CNNM2: variants seen among roughly 807,000 people sequenced by gnomAD.
The protein encoded by CNNM2 is cyclin and CBS domain divalent metal cation transport mediator 2.
In CNNM2, 12 loss-of-function variants were observed where a neutral mutation model predicts 66.9. The observed-to-expected ratio is 0.18, with a 90% CI of 0.11 to 0.29. CNNM2 has a LOEUF of 0.29. Ranked by LOEUF, CNNM2 falls within the 10% of genes least tolerant of loss-of-function variation. The pLI is 1.00. For missense variants in CNNM2, 705 were observed against 1,167.7 expected (o/e 0.60, Z 5.77); for synonymous variants, 557 against 501.8 (o/e 1.11, Z -1.47).
At chr10:102,940,657 A>T (rs764802772) in intron 1 of CNNM2, among the ~76,000 whole-genome samples, 1 of 150,832 alleles carries the variant, frequency 6.6e-6, no homozygotes, top group East Asian at 2.0e-4. Context: ...TGACCTCGTG[A>T]TCCGCCCTCC....
chr10:103,018,816 G>A (rs1315342873), intron 1 of CNNM2, among the ~76,000 whole-genome samples: 7 of 146,720 alleles, frequency 4.8e-5, no homozygotes, highest in Admixed American at 1.4e-4. Context: ...GAGCCACCAC[G>A]CCCTCCTAAT....
In CNNM2 at chr10:103,083,327, A is replaced by G. The variant is rs999478854; in HGVS notation, c.*6147A>G. 1 of 152,184 alleles carries G rather than the reference A, an allele frequency of 6.6e-6. No homozygotes were observed. The highest frequency in any genetic ancestry group is 2.4e-5 in the African/African-American group (1 of 41,452). The allele number at this position is 152,184 out of a possible 1,614,324, so 9.4% of individuals were successfully genotyped here. On this transcript the variant is annotated 3_prime_UTR_variant, in exon 8 of 8. Coordinates refer to ENST00000369878, the MANE Select transcript of CNNM2 (RefSeq NM_017649.5). ...TACCAATTTATTTGTAAATTTTGTG[A>G]TTGTTTTACAAGGTTTTTGTTTATT...
intron 1 of CNNM2, among the ~76,000 whole-genome samples, chr10:103,041,666 C>G (rs373771326): frequency 1.3e-5 from 2 of 152,248 alleles, no homozygotes; most frequent in African/African-American, 4.8e-5. Context: ...CCAGCATCTT[C>G]TGTCGCCAAA....
At chr10:103,065,330 A>G (rs972604458) in intron 4 of CNNM2, among the ~76,000 whole-genome samples, 1 of 152,192 alleles carries the variant, frequency 6.6e-6, no homozygotes, top group African/African-American at 2.4e-5. Context: ...ATTCACCTAT[A>G]TTGTTAAATG....
In CNNM2 at chr10:102,918,813, T is replaced by C; in HGVS notation, c.333T>C (p.Asn111=). 4 of 1,597,430 alleles carry C rather than the reference T, an allele frequency of 2.5e-6. No homozygotes were observed. The highest frequency in any genetic ancestry group is 3.4e-6 in the Non-Finnish European group (4 of 1,172,574). ...TGCGGGTGTACGGGCAGAACATCAA[T>C]AACGAGACGTGGTCCCGCATCGCCT... ...VKLRVYGQNI[N]NETWSRIAFT... The change falls in exon 1 of 8, where the codon AAT becomes AAC. Residue 111 remains asparagine (N), a synonymous_variant. Transcript: ENST00000369878. This position sits in a 1 kb window ranked among gnomAD's most constrained non-coding sequence, Gnocchi z 4.1.
At chr10:103,067,964 T>G (rs1326198052) in intron 4 of CNNM2, among the ~76,000 whole-genome samples, 2 of 152,224 alleles carry the variant, frequency 1.3e-5, no homozygotes, top group African/African-American at 4.8e-5. Flanking sequence ...GACACCGTGC[T>G]CGTGAGACAG....
At chr10:102,956,242 C>T (rs1364178843) in intron 1 of CNNM2, among the ~76,000 whole-genome samples, 3 of 149,328 alleles carry the variant, frequency 2.0e-5, no homozygotes, top group Non-Finnish European at 3.0e-5. Flanking sequence ...GAGCTGAAAT[C>T]GCGCCACTTC....
At position 102,919,089 on chromosome 10, in the gene CNNM2, C is replaced by G. The variant is rs940090909; in HGVS notation, c.609C>G (p.Gly203=). ...TSLSTPALGA[G]GSGSTGGAVG... is the part of the protein sequence containing the mutation. ...TCTCCACGCCCGCCCTGGGCGCCGG[C>G]GGCTCGGGGTCCACGGGTGGCGCCG... is the stretch of plus-strand genomic sequence containing the variant. Residue 203 remains glycine, a synonymous_variant, in exon 1 of 8, where the codon GGC becomes GGG. Coordinates refer to ENST00000369878, the MANE Select transcript of CNNM2 (RefSeq NM_017649.5). 14 of 1,611,732 alleles carry G rather than the reference C, an allele frequency of 8.7e-6. No homozygotes were observed. The African/African-American group carries it at 1.6e-4, about 18-fold the overall frequency.
In CNNM2 at chr10:103,081,953, A is replaced by C. The variant is rs2065761806; in HGVS notation, c.*4773A>C. The C allele has an allele frequency of 6.6e-6, 1 of 152,204 alleles. No individual in the cohort carries two copies. The highest frequency in any genetic ancestry group is 1.5e-5 in the Non-Finnish European group (1 of 68,028). 9.4% of individuals were successfully genotyped at this position (152,204 alleles called of 1,614,324 possible). ...AGTAAGCACGTTCTCTCTGTATGCT[A>C]GAGCTACTGACATCATCTCTACTAG... On this transcript the variant is annotated 3_prime_UTR_variant, in exon 8 of 8. Coordinates refer to ENST00000369878, the MANE Select transcript of CNNM2 (RefSeq NM_017649.5).
chr10:102,997,545 G>A (rs2064026377), intron 1 of CNNM2, among the ~76,000 whole-genome samples: 1 of 152,082 alleles, frequency 6.6e-6, no homozygotes, highest in Non-Finnish European at 1.5e-5. Context: ...TAGATTCTTG[G>A]TTTTAATATT....
At chr10:103,066,868 T>G (rs1228520360) in intron 4 of CNNM2, among the ~76,000 whole-genome samples, 1 of 152,082 alleles carries the variant, frequency 6.6e-6, no homozygotes, top group Non-Finnish European at 1.5e-5. Flanking sequence ...CCTGCCTGTG[T>G]GGGGAAGGTT....
At chr10:102,929,774 G>T (rs765308979) in intron 1 of CNNM2, among the ~76,000 whole-genome samples, 2 of 152,166 alleles carry the variant, frequency 1.3e-5, no homozygotes, top group Non-Finnish European at 2.9e-5. Flanking sequence ...GAATAATGCT[G>T]CTGTGAACAT....
intron 4 of CNNM2, among the ~76,000 whole-genome samples, chr10:103,061,040 A>G (rs767502754): frequency 6.6e-6 from 1 of 152,200 alleles, no homozygotes; most frequent in Non-Finnish European, 1.5e-5. Flanking sequence ...AAGAAAATAG[A>G]ACTATAATTA....
intron 1 of CNNM2, among the ~76,000 whole-genome samples, chr10:103,025,076 C>T (rs141887125): frequency 1.4e-4 from 22 of 151,956 alleles, no homozygotes; most frequent in South Asian, 1.0e-3. Flanking sequence ...CAGTTGGCTC[C>T]GTTCTATTTT....
At chr10:102,930,749 CTG>C (rs1160855919) in intron 1 of CNNM2, among the ~76,000 whole-genome samples, 16 of 152,138 alleles carry the variant, frequency 1.1e-4, no homozygotes, top group Non-Finnish European at 2.2e-4. Flanking sequence ...AATTTACTGT[CTG>C]TATGGATTAG....
At chr10:102,935,816 G>A (rs1452125466) in intron 1 of CNNM2, among the ~76,000 whole-genome samples, 3 of 130,654 alleles carry the variant, frequency 2.3e-5, no homozygotes, top group African/African-American at 8.8e-5. Flanking sequence ...GCAAAGTGTC[G>A]CTATGTTGCC....
At chr10:102,942,834 G>A (rs372051892) in intron 1 of CNNM2, among the ~76,000 whole-genome samples, 1 of 152,224 alleles carries the variant, frequency 6.6e-6, no homozygotes, top group Non-Finnish European at 1.5e-5. Context: ...TGCCAGTAGA[G>A]TTACATTTAT....
In CNNM2 at chr10:102,958,179, G is replaced by A. The variant is rs541475854; in HGVS notation, c.1621+38078G>A. On this transcript the variant is annotated intron_variant, in intron 1 of 7. Coordinates refer to ENST00000369878, the MANE Select transcript of CNNM2 (RefSeq NM_017649.5). Reference sequence around the variant, plus strand: ...TCGAACTCCCGACCTCAGGTGATCCGCCCGCCTTAGCCTCCCAAAGTGCTG... The same window carrying A: ...TCGAACTCCCGACCTCAGGTGATCCACCCGCCTTAGCCTCCCAAAGTGCTG... Among the ~76,000 whole-genome samples the A allele has an allele frequency of 3.3e-5, 5 of 152,156 alleles. 1 individual carries two copies. The East Asian group carries it at 5.8e-4, about 18-fold the overall frequency.
At chr10:102,964,645 C>T (rs1211061464) in intron 1 of CNNM2, among the ~76,000 whole-genome samples, 2 of 152,110 alleles carry the variant, frequency 1.3e-5, no homozygotes, top group African/African-American at 4.8e-5. Context: ...TGCTGTGATA[C>T]AGCAGAGAAG....
Sources: allele counts gnomAD v4.1 joint callset (sites outside exome capture counted in the v4.1 genomes callset), GRCh38; gene constraint gnomAD v4.1.1; non-coding constraint Gnocchi (gnomAD v3.1); transcripts MANE v1.5; gene names NCBI Gene and HGNC (gene_info 2026-07-23, HGNC 2026-07-21).